The following WDFY3 variants were observed in gnomAD, a reference collection of about 807,000 sequenced individuals.
WDFY3 encodes WD repeat and FYVE domain-containing protein 3.
A neutral mutation model predicts 409.6 loss-of-function variants in WDFY3; 66 were observed. The ratio of observed to expected loss-of-function variants is 0.16; its 90% CI spans 0.13 to 0.20. The LOEUF is 0.20. Among genes scored for constraint, WDFY3 ranks in the 10% least tolerant of loss-of-function variants. WDFY3 has a pLI of 1.00. For missense variants in WDFY3, 3,031 were observed against 4,298.1 expected (o/e 0.71, Z 8.24); for synonymous variants, 1,521 against 1,537.1 (o/e 0.99, Z 0.25).
chr4:84,720,142 A>G (rs1734603041), intron 47 of WDFY3, among the ~76,000 whole-genome samples: 1 of 152,198 alleles, frequency 6.6e-6, no homozygotes, highest in Non-Finnish European at 1.5e-5. Flanking sequence ...GCAATGAGAT[A>G]GAGATAAGAC....
chr4:84,740,108 T>A, intron 39 of WDFY3, 79 bp downstream of exon 39: 2 of 1,385,988 alleles, frequency 1.4e-6, no homozygotes, highest in African/African-American at 1.4e-5. Flanking sequence ...GAAATGTTAC[T>A]ATCAAAAAAA....
At chr4:84,808,977 G>C (rs937724544) in intron 14 of WDFY3, 1 of 152,312 alleles carries the variant, frequency 6.6e-6, no homozygotes, top group African/African-American at 2.4e-5. Flanking sequence ...ATATTCCACA[G>C]AAAAGGACAC....
In WDFY3 at chr4:84,850,340, A is replaced by G. The variant is rs965111598; in HGVS notation, c.181-315T>C. ...TAACGTTTCTTTTTTTTTGGGGGGG[A>G]CAGATTCTCACTCTGTCGCCTAGGC... On this transcript the variant is annotated intron_variant, in intron 4 of 67. Coordinates refer to ENST00000295888, the MANE Select transcript of WDFY3 (RefSeq NM_014991.6). 9.1e-3 allele frequency among the ~76,000 whole-genome samples: 1,332 copies of G among 146,296 alleles called. 17 individuals carry two copies. The highest frequency in any genetic ancestry group is 0.032 in the African/African-American group (1,270 of 39,528).
At chr4:84,839,807 G>T (rs1003868807) in intron 6 of WDFY3, among the ~76,000 whole-genome samples, 2 of 151,826 alleles carry the variant, frequency 1.3e-5, no homozygotes, top group East Asian at 1.9e-4. Flanking sequence ...GCAGTGAGCC[G>T]AGGCCGCACC....
chr4:84,910,771 T>A (rs1042953337), intron 2 of WDFY3, among the ~76,000 whole-genome samples: 1 of 152,178 alleles, frequency 6.6e-6, no homozygotes, highest in Non-Finnish European at 1.5e-5. Flanking sequence ...AGTGGTGCGA[T>A]CTTGGCTCAT....
Position 84,838,275 on chromosome 4 carries a change from C to T in WDFY3, c.415-1185G>A, listed in dbSNP as rs984958367. On this transcript the variant is annotated intron_variant, in intron 6 of 67. Coordinates refer to ENST00000295888, the MANE Select transcript of WDFY3 (RefSeq NM_014991.6). Reference sequence around the variant, plus strand: ...CCTATTCCTTAAGTCAACCCCATGACTTCATTTGTAAAATGATCCTTATTT... The same window carrying T: ...CCTATTCCTTAAGTCAACCCCATGATTTCATTTGTAAAATGATCCTTATTT... Among the ~76,000 whole-genome samples the T allele has an allele frequency of 1.8e-4, 27 of 152,178 alleles. 1 individual carries two copies. Among genetic ancestry groups the T allele is most frequent in the Non-Finnish European group, 1.5e-5 (1 of 68,024 alleles).
intron 41 of WDFY3, 103 bp from the exon 42 acceptor site, chr4:84,736,430 A>T (rs1396098000): frequency 1.9e-6 from 2 of 1,074,906 alleles, no homozygotes; most frequent in African/African-American, 3.2e-5. Context: ...GTAGTTAACA[A>T]AAGTAGCACA....
At position 84,787,927 on chromosome 4, in the gene WDFY3, A is replaced by T. The variant is rs373847596; in HGVS notation, c.3670-214T>A. ...GCTAAAACTTTTATCCAACTCTCTA[A>T]CACAGATAAACTCTTTAATGCTAGA... On this transcript the variant is annotated intron_variant, in intron 22 of 67. Transcript: ENST00000295888. Among the ~76,000 whole-genome samples the T allele has an allele frequency of 3.9e-5, 6 of 152,308 alleles. No individual in the cohort carries two copies. The South Asian group carries it at 6.2e-4, about 16-fold the overall frequency.
chr4:84,699,415 T>C (rs527606966), intron 56 of WDFY3, among the ~76,000 whole-genome samples: 5 of 152,358 alleles, frequency 3.3e-5, no homozygotes, highest in African/African-American at 1.2e-4. Flanking sequence ...GGATGAATAA[T>C]ATTTCACTGT....
rs1173754721 is a variant in WDFY3 at position 84,800,984 on chromosome 4, T to C, written c.2822+666A>G. On this transcript the variant is annotated intron_variant, in intron 17 of 67. Transcript: ENST00000295888. ...CTCGGGGGTTTGAGACCCCTGCTCA[T>C]AACGACAAAACTATGGAGATGGAGA... Among the ~76,000 whole-genome samples the C allele has an allele frequency of 5.3e-5, 8 of 152,198 alleles. No individual in the cohort carries two copies. In the East Asian group the frequency reaches 1.5e-3, roughly 29 times the overall value.
rs142840439 is a variant in WDFY3, at chr4:84,725,743, C to A, written c.7272+1118G>T. 4.3e-3 allele frequency among the ~76,000 whole-genome samples: 653 copies of A among 152,258 alleles called. 4 individuals are homozygous for A. Among genetic ancestry groups the A allele is most frequent in the African/African-American group, 0.015 (611 of 41,562 alleles). On this transcript the variant is annotated intron_variant, in intron 45 of 67. Coordinates refer to ENST00000295888, the MANE Select transcript of WDFY3 (RefSeq NM_014991.6). ...AATAATCAATATGCATCATTTACAA[C>A]AATGCCCTTTTCAAGCAACATTTTT...
intron 62 of WDFY3, among the ~76,000 whole-genome samples, chr4:84,687,405 A>C: frequency 6.6e-6 from 1 of 152,152 alleles, no homozygotes; most frequent in South Asian, 2.1e-4. Flanking sequence ...GACCTCCCAA[A>C]GTGCTGGGAT....
rs144093013 is a variant in WDFY3, at chr4:84,833,351, C to T, written c.577-1746G>A. 2.5e-3 allele frequency among the ~76,000 whole-genome samples: 380 copies of T among 152,024 alleles called. 2 individuals are homozygous for T. Among genetic ancestry groups the T allele is most frequent in the African/African-American group, 8.4e-3 (349 of 41,472 alleles). On this transcript the variant is annotated intron_variant, in intron 7 of 67. Coordinates refer to ENST00000295888, the MANE Select transcript of WDFY3 (RefSeq NM_014991.6). ...ATCATTTTATTCTCTTGAAAAAGAG[C>T]GCTTCATGAAATTTTGGTATTTCAG...
intron 56 of WDFY3, among the ~76,000 whole-genome samples, chr4:84,699,606 A>G (rs1204266737): frequency 2.6e-5 from 4 of 152,094 alleles, no homozygotes; most frequent in African/African-American, 9.7e-5. Context: ...AATTCTGTTT[A>G]ACTTTTTGAG....
intron 61 of WDFY3, among the ~76,000 whole-genome samples, chr4:84,688,978 G>C (rs1728793799): frequency 6.6e-6 from 1 of 152,202 alleles, no homozygotes; most frequent in Admixed American, 6.5e-5. Flanking sequence ...AAAAGATTTA[G>C]ATTACTGTTA....
chr4:84,718,372 CTG>C lies in WDFY3; in HGVS notation c.7754+48_7754+49del, dbSNP rs552069456. On this transcript the variant is annotated intron_variant, in intron 48 of 67. Coordinates refer to ENST00000295888, the MANE Select transcript of WDFY3 (RefSeq NM_014991.6). Reference sequence around the variant, plus strand: ...AAAAAGAAAACTGCAAATACATTTTCTGTCTTCTAAAGATAGCCATACATTAT... The same window carrying C: ...AAAAAGAAAACTGCAAATACATTTTCTCTTCTAAAGATAGCCATACATTAT... 9.6e-5 allele frequency: 147 copies of C among 1,526,128 alleles called. No homozygotes were observed. The African/African-American group carries it at 1.7e-3, about 18-fold the overall frequency. 94.5% of individuals were successfully genotyped at this position (1,526,128 alleles called of 1,614,324 possible).
At chr4:84,838,755 T>G (rs1483377496) in intron 6 of WDFY3, among the ~76,000 whole-genome samples, 1 of 152,234 alleles carries the variant, frequency 6.6e-6, no homozygotes, top group Non-Finnish European at 1.5e-5. Context: ...CATTTAATGT[T>G]CAGTTTAAAC....
At chr4:84,871,989 TG>T (rs1324701452) in intron 3 of WDFY3, among the ~76,000 whole-genome samples, 2 of 152,120 alleles carry the variant, frequency 1.3e-5, no homozygotes, top group Admixed American at 1.3e-4. Flanking sequence ...ATAGCAGTAA[TG>T]TGTTGGATGA....
intron 25 of WDFY3, 99 bp from the exon 26 acceptor site, chr4:84,780,397 T>C: frequency 8.4e-7 from 1 of 1,194,870 alleles, no homozygotes; most frequent in Non-Finnish European, 1.1e-6. Context: ...CAGTGTTTTA[T>C]TTTAAAAATA....
Sources: allele counts gnomAD v4.1 joint callset (sites outside exome capture counted in the v4.1 genomes callset), GRCh38; gene constraint gnomAD v4.1.1; transcripts MANE v1.5; gene names NCBI Gene and HGNC (gene_info 2026-07-23, HGNC 2026-07-21).